Variants in SYN2 observed in about 807,000 individuals in gnomAD.
The protein encoded by SYN2 is synapsin-2.
SYN2 carries 19 observed loss-of-function variants against 50.9 expected under a neutral mutation model. The observed-to-expected ratio is 0.37, with a 90% CI of 0.26 to 0.55. The LOEUF (loss-of-function observed/expected upper bound fraction) is 0.55. SYN2 is among the 20% of genes least tolerant of loss of function. The probability of loss-of-function intolerance (pLI) is 0.81; values close to 1 mark genes in which losing one functional copy is unlikely to be tolerated. For synonymous variants in SYN2, 255 were observed against 224.9 expected (o/e 1.13, Z -1.20); for missense variants, 587 against 576.4 (o/e 1.02, Z -0.19).
At chr3:12,038,267 G>A (rs1371032138) in intron 1 of SYN2, among the ~76,000 whole-genome samples, 1 of 152,112 alleles carries the variant, frequency 6.6e-6, no homozygotes, top group Non-Finnish European at 1.5e-5. Context: ...GCAATAGATT[G>A]CAATGATGCA....
At chr3:12,187,007 A>C (rs540002892) in intron 11 of SYN2, among the ~76,000 whole-genome samples, 3 of 152,290 alleles carry the variant, frequency 2.0e-5, no homozygotes, top group East Asian at 3.9e-4. Flanking sequence ...ACTTCCCAAT[A>C]AACCCTGGAG....
chr3:12,149,921 A>G (rs1161017963), intron 4 of SYN2, among the ~76,000 whole-genome samples: 1 of 152,214 alleles, frequency 6.6e-6, no homozygotes, highest in East Asian at 1.9e-4. Flanking sequence ...GAACTGATCA[A>G]ATTTAACCAT....
chr3:12,030,536 A>G (rs774639484), intron 1 of SYN2, among the ~76,000 whole-genome samples: 1 of 151,440 alleles, frequency 6.6e-6, no homozygotes, highest in Non-Finnish European at 1.5e-5. Context: ...TAAACTATTG[A>G]TTATTGCCAC....
At chr3:12,101,232 A>T (rs1301750571) in intron 1 of SYN2, among the ~76,000 whole-genome samples, 1 of 152,202 alleles carries the variant, frequency 6.6e-6, no homozygotes, top group Non-Finnish European at 1.5e-5. Context: ...GAACAAACCC[A>T]AGTGTCCACT....
intron 1 of SYN2, among the ~76,000 whole-genome samples, chr3:12,111,884 C>T (rs753916158): frequency 1.9e-4 from 29 of 152,222 alleles, no homozygotes; most frequent in Middle Eastern, 3.4e-3. Flanking sequence ...GGGATGCCCA[C>T]GCATTAAGGG....
Position 12,140,584 on chromosome 3 carries a change from A to G in SYN2, c.378-67A>G, listed in dbSNP as rs1020081181. The G allele has an allele frequency of 5.6e-6, 4 of 718,802 alleles. No individual in the cohort carries two copies. The African/African-American group carries it at 7.0e-5, about 13-fold the overall frequency. 44.5% of individuals were successfully genotyped at this position (718,802 alleles called of 1,614,324 possible). ...TGTCTGCTGTGGTCCTCTTCTTTGT[A>G]ATAGTAAATGTCTGACTTTAAATAC... On this transcript the variant is annotated intron_variant, in intron 1 of 12. Transcript: ENST00000621198.
At chr3:12,183,535 C>T (rs1312075147) in intron 11 of SYN2, 163 bp downstream of exon 11, 8 of 1,539,144 alleles carry the variant, frequency 5.2e-6, no homozygotes, top group South Asian at 4.9e-5. Context: ...CCACTGGTGC[C>T]GTTGCTGCGT....
intron 1 of SYN2, among the ~76,000 whole-genome samples, chr3:12,103,318 A>G (rs1255830240): frequency 1.3e-5 from 2 of 152,294 alleles, no homozygotes; most frequent in East Asian, 1.9e-4. Context: ...TCTAAGATGT[A>G]AAAAAGAAAG....
intron 7 of SYN2, among the ~76,000 whole-genome samples, chr3:12,166,928 A>C (rs1653503305): frequency 6.6e-6 from 1 of 152,222 alleles, no homozygotes. Flanking sequence ...AAGATTGAAA[A>C]TCAGGCAGAA....
intron 1 of SYN2, among the ~76,000 whole-genome samples, chr3:12,028,654 T>G (rs1180541905): frequency 3.4e-4 from 49 of 143,630 alleles, no homozygotes; most frequent in Non-Finnish European, 6.5e-4. Context: ...TCATGTGTTT[T>G]TTGGCTGCAT....
At chr3:12,035,685 T>C (rs2125145317) in intron 1 of SYN2, among the ~76,000 whole-genome samples, 1 of 152,292 alleles carries the variant, frequency 6.6e-6, no homozygotes, top group East Asian at 1.9e-4. Flanking sequence ...TCAAAGATGT[T>C]CTAGTTTGTA....
intron 10 of SYN2, 125 bp from the exon 11 acceptor site, chr3:12,183,187 A>G: frequency 7.6e-7 from 1 of 1,324,238 alleles, no homozygotes. Context: ...CTATGGCCAG[A>G]TCCCACTGGA....
At position 12,187,569 on chromosome 3, in the gene SYN2, C is replaced by G; in HGVS notation, c.1570C>G (p.Leu524Val). The G allele has an allele frequency of 1.3e-6, 2 of 1,552,056 alleles. No individual in the cohort carries two copies. Among genetic ancestry groups the G allele is most frequent in the Non-Finnish European group, 1.7e-6 (2 of 1,147,024 alleles). ...CTCCCTGGCAGAGGCCCAGCCACCC[C>G]TGGCTGCTCCACCACAGAAGCCCCA... is the stretch of plus-strand genomic sequence containing the variant. ...SSSLAEAQPP[L>V]AAPPQKPQPH... Residue 524 changes from leucine to valine, a missense_variant, in exon 12 of 13, where the codon CTG (leucine) becomes GTG (valine). Coordinates refer to ENST00000621198, the MANE Select transcript of SYN2 (RefSeq NM_133625.6).
intron 5 of SYN2, among the ~76,000 whole-genome samples, chr3:12,160,448 G>C (rs1697620759): frequency 6.6e-6 from 1 of 152,168 alleles, no homozygotes; most frequent in African/African-American, 2.4e-5. Flanking sequence ...CTTTTCATCA[G>C]GGTCAACATT....
intron 5 of SYN2, among the ~76,000 whole-genome samples, chr3:12,155,990 C>T (rs113912171): frequency 6.6e-6 from 1 of 152,178 alleles, no homozygotes; most frequent in African/African-American, 2.4e-5. Flanking sequence ...ATTGTAGCCT[C>T]CAGTGCCTAT....
At chr3:12,129,570 G>A (rs1031776589) in intron 1 of SYN2, among the ~76,000 whole-genome samples, 1 of 151,636 alleles carries the variant, frequency 6.6e-6, no homozygotes, top group African/African-American at 2.4e-5. Context: ...TAACATGGTG[G>A]GGAGGGCACT....
At chr3:12,110,687 A>C (rs167436) in intron 1 of SYN2, among the ~76,000 whole-genome samples, 3 of 152,162 alleles carry the variant, frequency 2.0e-5, no homozygotes, top group Admixed American at 1.3e-4. Flanking sequence ...GGCCCGGCCC[A>C]TGAAACTATT....
intron 10 of SYN2, among the ~76,000 whole-genome samples, chr3:12,181,609 G>A (rs778599641): frequency 6.6e-5 from 10 of 152,228 alleles, no homozygotes; most frequent in Non-Finnish European, 1.3e-4. Context: ...TTGGAACACA[G>A]TAAGCACGCC....
At chr3:12,034,218 A>G (rs1694444732) in intron 1 of SYN2, among the ~76,000 whole-genome samples, 2 of 152,094 alleles carry the variant, frequency 1.3e-5, no homozygotes, top group South Asian at 4.1e-4. Flanking sequence ...TTATGTTATT[A>G]TTATAGTCAT....
Sources: allele counts gnomAD v4.1 joint callset (sites outside exome capture counted in the v4.1 genomes callset), GRCh38; gene constraint gnomAD v4.1.1; transcripts MANE v1.5; gene names NCBI Gene and HGNC (gene_info 2026-07-23, HGNC 2026-07-21).